The following CORO2B variants were observed in gnomAD, a reference collection of about 807,000 sequenced individuals.
CORO2B encodes coronin 2B.
In CORO2B, 26 loss-of-function variants were observed where a neutral mutation model predicts 58.8. The ratio of observed to expected loss-of-function variants is 0.44; its 90% CI spans 0.32 to 0.61. The LOEUF is 0.61. Ranked by LOEUF, CORO2B falls within the 20% of genes least tolerant of loss-of-function variation. CORO2B has a pLI of 0.04. For missense variants in CORO2B, 460 were observed against 645.1 expected, an observed-to-expected ratio of 0.71 and a Z score of 3.11; for synonymous variants, 242 against 253.8, an observed-to-expected ratio of 0.95 and a Z score of 0.44.
chr15:68,552,447 C>T, the CORO2B span, among the ~76,000 whole-genome samples: 1,011 of 116,572 alleles, frequency 8.7e-3, 5 homozygotes, highest in South Asian at 0.044. Flanking sequence ...TCCCAAGGGG[C>T]AGCCATGGCC....
intron 3 of CORO2B, among the ~76,000 whole-genome samples, chr15:68,704,447 G>A (rs1892735173): frequency 2.0e-5 from 3 of 151,992 alleles, no homozygotes; most frequent in South Asian, 4.2e-4. Context: ...GAAGACAGAT[G>A]TTCGGAGAGG....
the CORO2B span, among the ~76,000 whole-genome samples, chr15:68,554,067 A>G: frequency 6.6e-6 from 1 of 152,210 alleles, no homozygotes. Flanking sequence ...AGCACAGCAG[A>G]GACAGGTTGG....
intron 1 of CORO2B, among the ~76,000 whole-genome samples, chr15:68,617,823 G>T (rs1595970849): frequency 6.6e-6 from 1 of 152,290 alleles, no homozygotes; most frequent in Admixed American, 6.5e-5. Flanking sequence ...CGTCCCAGTG[G>T]GTGAGCCCTG....
chr15:68,556,550 C>T, the CORO2B span, among the ~76,000 whole-genome samples: 3 of 152,184 alleles, frequency 2.0e-5, no homozygotes, highest in Admixed American at 6.5e-5. Flanking sequence ...ATGTGAGGGT[C>T]GAAAGGACCC....
intron 1 of CORO2B, among the ~76,000 whole-genome samples, chr15:68,642,608 G>C (rs1056388177): frequency 1.3e-5 from 2 of 152,208 alleles, no homozygotes; most frequent in Admixed American, 1.3e-4. Flanking sequence ...GACTCACCTA[G>C]GCTGCCTGGG....
chr15:68,560,266 G>A, the CORO2B span, among the ~76,000 whole-genome samples: 1 of 151,102 alleles, frequency 6.6e-6, no homozygotes, highest in African/African-American at 2.4e-5. Context: ...TTTCTTTTTC[G>A]TTCTTTTTTT....
At chr15:68,650,483 G>C (rs1423788828) in intron 2 of CORO2B, among the ~76,000 whole-genome samples, 1 of 151,346 alleles carries the variant, frequency 6.6e-6, no homozygotes, top group Non-Finnish European at 1.5e-5. Context: ...GTGATGGTGC[G>C]TGCCTGTAAT....
chr15:68,719,187 C>T lies in CORO2B; in HGVS notation c.1124C>T (p.Thr375Met), dbSNP rs1374708795. ...GACATTTACCCAATGACACCAGGCA[C>T]GGAGCCAGCACTGACCCCGGATGAA... ...QEDIYPMTPG[T>M]EPALTPDEWL... The change falls in exon 10 of 12, where the codon ACG (threonine) becomes ATG (methionine). Residue 375 changes from threonine (T) to methionine (M), a missense_variant. Thr to Met is a moderately conservative substitution (Grantham distance 81, BLOSUM62 -1). Around this residue, in one of 2 missense-constraint regions of CORO2B, gnomAD observed 352 missense variants for 543.0 expected, o/e 0.65. Coordinates refer to ENST00000261861, the MANE Select transcript of CORO2B (RefSeq NM_006091.5). 11 of 1,613,996 alleles carry T rather than the reference C, an allele frequency of 6.8e-6. No individual in the cohort carries two copies. Among genetic ancestry groups the T allele is most frequent in the East Asian group, 2.2e-5 (1 of 44,888 alleles).
intron 3 of CORO2B, among the ~76,000 whole-genome samples, 153 bp downstream of exon 3, chr15:68,695,409 G>A (rs1892487474): frequency 6.6e-6 from 1 of 152,186 alleles, no homozygotes; most frequent in Non-Finnish European, 1.5e-5. Context: ...TGGGGGGGAT[G>A]GGAGCTAGGA....
chr15:68,672,657 G>T (rs1329711590), intron 2 of CORO2B, among the ~76,000 whole-genome samples: 1 of 152,228 alleles, frequency 6.6e-6, no homozygotes, highest in African/African-American at 2.4e-5. Flanking sequence ...AAGTGATACA[G>T]TGGCTCAGCT....
chr15:68,643,223 T>C lies in CORO2B; in HGVS notation c.16-1937T>C, dbSNP rs570221948. Reference sequence around the variant, plus strand: ...ACCTGGGACCCCACTTTGGGAATAGTTGGTGTCCTGATGAGGAGCCAGTGC... The same window carrying C: ...ACCTGGGACCCCACTTTGGGAATAGCTGGTGTCCTGATGAGGAGCCAGTGC... On this transcript the variant is annotated intron_variant, in intron 1 of 11. Coordinates refer to ENST00000261861, the MANE Select transcript of CORO2B (RefSeq NM_006091.5). 1.2e-4 allele frequency among the ~76,000 whole-genome samples: 19 copies of C among 152,280 alleles called. No individual in the cohort carries two copies. The South Asian group carries it at 3.9e-3, about 32-fold the overall frequency.
At chr15:68,568,108 C>G in the CORO2B span, among the ~76,000 whole-genome samples, 1 of 152,310 alleles carries the variant, frequency 6.6e-6, no homozygotes, top group East Asian at 1.9e-4. Context: ...TGGGGCCACC[C>G]CCTGGGGTTC....
chr15:68,669,069 A>AAGAGAG (rs113835286), intron 2 of CORO2B, among the ~76,000 whole-genome samples: 16 of 146,008 alleles, frequency 1.1e-4, no homozygotes, highest in African/African-American at 4.0e-4. Context: ...GAAAGAGAGA[A>AAGAGAG]AGAGAGAGAG....
chr15:68,655,082 G>A (rs79861729), intron 2 of CORO2B, among the ~76,000 whole-genome samples: 1 of 152,310 alleles, frequency 6.6e-6, no homozygotes, highest in East Asian at 1.9e-4. Context: ...GGAGCCTGGT[G>A]GTGCCCCTCT....
chr15:68,522,119 C>T, the CORO2B span, among the ~76,000 whole-genome samples: 2 of 151,694 alleles, frequency 1.3e-5, no homozygotes, highest in East Asian at 3.9e-4. Context: ...CCATGGACTC[C>T]TTTAAAGAAT....
At chr15:68,622,625 C>T (rs1595973318) in intron 1 of CORO2B, among the ~76,000 whole-genome samples, 1 of 152,198 alleles carries the variant, frequency 6.6e-6, no homozygotes, top group Non-Finnish European at 1.5e-5. Flanking sequence ...AGAAGCAGCT[C>T]AGCCCTATGG....
intron 1 of CORO2B, among the ~76,000 whole-genome samples, chr15:68,605,553 G>A (rs1239269818): frequency 4.6e-5 from 7 of 152,046 alleles, no homozygotes; most frequent in African/African-American, 7.3e-5. Flanking sequence ...GAAAATATTC[G>A]TGCTAAGTGA....
chr15:68,589,734 G>C (rs1899653129), intron 1 of CORO2B, among the ~76,000 whole-genome samples: 1 of 152,240 alleles, frequency 6.6e-6, no homozygotes, highest in Admixed American at 6.5e-5. Flanking sequence ...GAAAGTTCCA[G>C]AAAGGAGACT....
chr15:68,572,374 A>G, the CORO2B span, among the ~76,000 whole-genome samples: 1 of 152,072 alleles, frequency 6.6e-6, no homozygotes, highest in Non-Finnish European at 1.5e-5. Context: ...GCTCCCTGCC[A>G]TGCTTGTAAC....
Sources: allele counts gnomAD v4.1 joint callset (sites outside exome capture counted in the v4.1 genomes callset), GRCh38; gene constraint gnomAD v4.1.1; regional missense constraint gnomAD v4.1.1; transcripts MANE v1.5; gene names NCBI Gene and HGNC (gene_info 2026-07-23, HGNC 2026-07-21).